TESK2: variants seen among roughly 807,000 people sequenced by gnomAD.
The protein encoded by TESK2 is dual specificity testis-specific protein kinase 2.
In TESK2, 39 loss-of-function variants were observed where a neutral mutation model predicts 57.1. The observed-to-expected ratio is 0.68, with a 90% confidence interval of 0.53 to 0.89. The LOEUF (loss-of-function observed/expected upper bound fraction) is 0.89. Among genes scored for constraint, TESK2 ranks in the 40% least tolerant of loss-of-function variants. The probability of loss-of-function intolerance (pLI) is 0.00; values close to 1 mark genes in which losing one functional copy is unlikely to be tolerated. For missense variants in TESK2, 646 were observed against 732.1 expected (o/e 0.88, Z 1.36); for synonymous variants, 249 against 267.9 (o/e 0.93, Z 0.69).
intron 5 of TESK2, among the ~76,000 whole-genome samples, chr1:45,353,735 T>G (rs1647296907): frequency 6.6e-6 from 1 of 152,252 alleles, no homozygotes; most frequent in Admixed American, 6.5e-5. Flanking sequence ...GATTGCCTTA[T>G]AGTTCCCCCA....
intron 1 of TESK2, among the ~76,000 whole-genome samples, chr1:45,463,258 T>C (rs1652406969): frequency 6.6e-6 from 1 of 152,226 alleles, no homozygotes; most frequent in Admixed American, 6.5e-5. Context: ...TGTGTCCATT[T>C]TTGCTTTGGT....
intron 10 of TESK2, 68 bp downstream of exon 10, chr1:45,345,809 A>T: frequency 7.7e-7 from 1 of 1,291,890 alleles, no homozygotes; most frequent in Non-Finnish European, 1.1e-6. Context: ...CAACCCTAAG[A>T]GGAGAAGGCC....
At chr1:45,445,928 G>C (rs1171214166) in intron 2 of TESK2, among the ~76,000 whole-genome samples, 3 of 152,054 alleles carry the variant, frequency 2.0e-5, no homozygotes, top group Non-Finnish European at 4.4e-5. Flanking sequence ...ATTTTACTCA[G>C]CTCTTTGCAA....
chr1:45,469,085 T>C (rs1007751591), intron 1 of TESK2, among the ~76,000 whole-genome samples: 1 of 152,144 alleles, frequency 6.6e-6, no homozygotes, highest in African/African-American at 2.4e-5. Flanking sequence ...ATTAATTTCA[T>C]TTATATAGGA....
intron 4 of TESK2, among the ~76,000 whole-genome samples, chr1:45,372,803 C>G (rs113046963): frequency 0.062 from 9,472 of 151,604 alleles, 429 homozygotes; most frequent in Non-Finnish European, 0.094. Context: ...CTTTGGGAGG[C>G]TGAGACGGGT....
intron 2 of TESK2, among the ~76,000 whole-genome samples, chr1:45,435,519 C>T (rs1444763506): frequency 6.6e-6 from 1 of 150,414 alleles, no homozygotes; most frequent in Admixed American, 6.6e-5. Flanking sequence ...CTGCCTTAGC[C>T]TCCCAAAGTA....
chr1:45,381,474 C>G (rs528395851), intron 4 of TESK2, among the ~76,000 whole-genome samples: 6 of 152,154 alleles, frequency 3.9e-5, no homozygotes, highest in African/African-American at 1.4e-4. Flanking sequence ...CATATTCTTG[C>G]TATTCTGGTA....
At chr1:45,407,819 A>G (rs936564738) in intron 3 of TESK2, among the ~76,000 whole-genome samples, 1 of 152,200 alleles carries the variant, frequency 6.6e-6, no homozygotes, top group African/African-American at 2.4e-5. Context: ...TGTCTTTATT[A>G]GCAGCATGAG....
intron 4 of TESK2, among the ~76,000 whole-genome samples, chr1:45,372,737 TA>T (rs1266035952): frequency 2.0e-4 from 27 of 136,714 alleles, no homozygotes; most frequent in Admixed American, 1.5e-4. Context: ...GCTTCTTTCT[TA>T]AAAAAAAAAA....
At chr1:45,488,996 CTACAAAAAA>C (rs1653601875) in intron 1 of TESK2, among the ~76,000 whole-genome samples, 1 of 152,084 alleles carries the variant, frequency 6.6e-6, no homozygotes, top group Admixed American at 6.6e-5. Context: ...AATCCCGTCT[CTACAAAAAA>C]TACAAAAAAT....
intron 5 of TESK2, among the ~76,000 whole-genome samples, chr1:45,354,255 C>T (rs1647314604): frequency 6.6e-6 from 1 of 152,106 alleles, no homozygotes; most frequent in Non-Finnish European, 1.5e-5. Flanking sequence ...CCTTAGGAGG[C>T]TGAGGTGGGT....
chr1:45,451,381 A>G (rs1228354045), intron 2 of TESK2, among the ~76,000 whole-genome samples: 1 of 152,208 alleles, frequency 6.6e-6, no homozygotes, highest in African/African-American at 2.4e-5. Flanking sequence ...CAAACCATCT[A>G]ACATTTTTCA....
chr1:45,488,338 C>T (rs1343469929), intron 1 of TESK2, among the ~76,000 whole-genome samples: 2 of 152,228 alleles, frequency 1.3e-5, no homozygotes, highest in Non-Finnish European at 2.9e-5. Flanking sequence ...GACTTCTCCA[C>T]AGATAAGTAA....
At chr1:45,365,740 G>C (rs912550482) in intron 4 of TESK2, among the ~76,000 whole-genome samples, 10 of 144,862 alleles carry the variant, frequency 6.9e-5, no homozygotes, top group South Asian at 2.2e-4. Context: ...GTGCAGTGGC[G>C]TAATCTCAGC....
chr1:45,464,668 C>T (rs1055386565), intron 1 of TESK2, among the ~76,000 whole-genome samples: 2 of 152,324 alleles, frequency 1.3e-5, no homozygotes, highest in East Asian at 1.9e-4. Context: ...AAATACCTTA[C>T]TAACCTCCTC....
chr1:45,387,763 T>C (rs1648961148), intron 3 of TESK2, among the ~76,000 whole-genome samples: 2 of 152,200 alleles, frequency 1.3e-5, no homozygotes, highest in Non-Finnish European at 2.9e-5. Flanking sequence ...TCCCAGCATT[T>C]TGGGAGGCCA....
intron 3 of TESK2, chr1:45,413,795 G>A (rs1557563407): frequency 8.8e-6 from 4 of 455,838 alleles, no homozygotes; most frequent in Non-Finnish European, 1.3e-5. Context: ...GTAATCCTAG[G>A]GTTCCAAGAG....
At chr1:45,471,031 G>A (rs1177901411) in intron 1 of TESK2, among the ~76,000 whole-genome samples, 5 of 152,118 alleles carry the variant, frequency 3.3e-5, no homozygotes, top group African/African-American at 1.2e-4. Flanking sequence ...AGGAGGTCGA[G>A]ACCATCCTGG....
At chr1:45,390,340 T>TGTG (rs1380596498) in intron 3 of TESK2, among the ~76,000 whole-genome samples, 2 of 152,078 alleles carry the variant, frequency 1.3e-5, no homozygotes, top group Non-Finnish European at 2.9e-5. Flanking sequence ...GTGGCATGCC[T>TGTG]GTGGTCCCAG....
Sources: allele counts gnomAD v4.1 joint callset (sites outside exome capture counted in the v4.1 genomes callset), GRCh38; gene constraint gnomAD v4.1.1; transcripts MANE v1.5; gene names NCBI Gene and HGNC (gene_info 2026-07-23, HGNC 2026-07-21).